The following CRISP2 variants were observed in gnomAD, a reference collection of about 807,000 sequenced individuals.
CRISP2 encodes the protein cysteine-rich secretory protein 2.
A neutral mutation model predicts 31.7 loss-of-function variants in CRISP2; 29 were observed. That is an observed-to-expected ratio of 0.92 (90% confidence interval 0.68 to 1.25). CRISP2 has a LOEUF of 1.25. Ranked by LOEUF, CRISP2 falls within the 50% of genes most tolerant of loss-of-function variation. The pLI, the probability that CRISP2 is intolerant of heterozygous loss-of-function variation, is 0.00. For missense variants in CRISP2, 318 were observed against 286.5 expected (o/e 1.11, Z -0.79); for synonymous variants, 111 against 101.4 (o/e 1.09, Z -0.57).
At chr6:49,678,573 C>A in the CRISP2 span, among the ~76,000 whole-genome samples, 2 of 152,184 alleles carry the variant, frequency 1.3e-5, no homozygotes, top group African/African-American at 4.8e-5. Flanking sequence ...CTTTCTGTTT[C>A]TCCGGTGGGA....
intron 3 of CRISP2, among the ~76,000 whole-genome samples, chr6:49,710,725 C>A (rs1767865970): frequency 6.6e-6 from 1 of 152,052 alleles, no homozygotes; most frequent in South Asian, 2.1e-4. Flanking sequence ...TTTTACATAT[C>A]AAATTTTTTT....
At position 49,698,375 on chromosome 6, in the gene CRISP2, C is replaced by T. The variant is rs141421430; in HGVS notation, c.404G>A (p.Gly135Glu). 6 of 1,613,102 alleles carry T rather than the reference C, an allele frequency of 3.7e-6. No individual in the cohort carries two copies. Among genetic ancestry groups the T allele is most frequent in the South Asian group, 1.1e-5 (1 of 90,900 alleles). ...VGPKSPNAVV[G>E]HYTQLVWYST... Reference sequence around the variant, plus strand: ...CATTCTTCTTACCTGAGTATAATGTCCAACAACTGCATTGGGACTCTTTGG... The same window carrying T: ...CATTCTTCTTACCTGAGTATAATGTTCAACAACTGCATTGGGACTCTTTGG... Residue 135 changes from glycine (G) to glutamate (E), a missense_variant, in exon 7 of 10, where the codon GGA (glycine) becomes GAA (glutamate). Transcript: ENST00000339139.
chr6:49,686,844 A>T, the CRISP2 span, among the ~76,000 whole-genome samples: 1 of 152,352 alleles, frequency 6.6e-6, no homozygotes, highest in East Asian at 1.9e-4. Context: ...AAAATGTGGC[A>T]CATATACACC....
chr6:49,710,435 A>G (rs1299235076), intron 3 of CRISP2, among the ~76,000 whole-genome samples: 8 of 152,218 alleles, frequency 5.3e-5, no homozygotes, highest in Non-Finnish European at 1.2e-4. Context: ...ATGACTTTGA[A>G]AGAGACATTG....
At chr6:49,701,853 A>T (rs1429886137) in intron 4 of CRISP2, among the ~76,000 whole-genome samples, 10 of 64,946 alleles carry the variant, frequency 1.5e-4, no homozygotes, top group South Asian at 3.4e-4. Flanking sequence ...TATATTATAT[A>T]ATATATATTA....
intron 4 of CRISP2, among the ~76,000 whole-genome samples, chr6:49,702,232 A>C (rs916638620): frequency 1.4e-5 from 2 of 141,476 alleles, no homozygotes. Context: ...GGCTGGTTCT[A>C]TATTTTTGCA....
chr6:49,707,342 A>G lies in CRISP2; in HGVS notation c.66+1789T>C, dbSNP rs635586. On this transcript the variant is annotated intron_variant, in intron 4 of 9. Transcript: ENST00000339139. ...TTTCTTTGAAGTCAGAGAAAGCTTC[A>G]TAAAATGTGATTCTGGGGTTCTGAA... is the stretch of plus-strand genomic sequence containing the variant. Among the ~76,000 whole-genome samples the G allele has an allele frequency of 9.7e-4, 148 of 152,320 alleles. 1 individual carries two copies. The highest frequency in any genetic ancestry group is 3.4e-3 in the African/African-American group (141 of 41,578).
Position 49,692,813 on chromosome 6 carries a change from T to G in CRISP2, c.692A>C (p.Lys231Thr). The G allele has an allele frequency of 6.2e-7, 1 of 1,613,830 alleles. No homozygotes were observed. Among genetic ancestry groups the G allele is most frequent in the Non-Finnish European group, 8.5e-7 (1 of 1,179,754 alleles). The stretch of plus-strand genomic sequence containing the variant: ...CTCACATAGGCAAGTAGCCTTGCAC[T>G]TTTCCTTGAGTAACTCATGTTCACA... ...AGCEHELLKEKCKATCLCENK... is the reference protein window; with the variant it reads ...AGCEHELLKETCKATCLCENK... The change falls in exon 10 of 10, where the codon AAG becomes ACG. Residue 231 changes from lysine to threonine, a missense_variant. Transcript: ENST00000339139.
chr6:49,704,681 A>T (rs1446419680), intron 4 of CRISP2, among the ~76,000 whole-genome samples: 1 of 152,194 alleles, frequency 6.6e-6, no homozygotes, highest in Non-Finnish European at 1.5e-5. Flanking sequence ...GCCTGCAAAG[A>T]GTCCTGTGAT....
rs1561876051 is a variant in CRISP2 at position 49,701,618 on chromosome 6, A to ACATTATATATG, written c.67-835_67-834insCATATATAATG. ...ATATACACACACACACGGTATATAT[A>ACATTATATATG]TATACATTATATATGTATACATTAT... On this transcript the variant is annotated intron_variant, in intron 4 of 9. Transcript: ENST00000339139. 7.7e-3 allele frequency among the ~76,000 whole-genome samples: 373 copies of ACATTATATATG among 48,638 alleles called. 82 individuals carry two copies. Among genetic ancestry groups the ACATTATATATG allele is most frequent in the African/African-American group, 0.024 (248 of 10,324 alleles). 31.9% of individuals were successfully genotyped at this position (48,638 alleles called of 152,430 possible). A position where few individuals can be genotyped will look rare whatever the true frequency, so the allele number is the denominator to read the frequency against.
intron 4 of CRISP2, among the ~76,000 whole-genome samples, chr6:49,706,394 C>G (rs1767032652): frequency 6.6e-6 from 1 of 152,096 alleles, no homozygotes; most frequent in Non-Finnish European, 1.5e-5. Flanking sequence ...AAATTTAAAG[C>G]AATTTGGAGG....
chr6:49,686,079 T>C, the CRISP2 span, among the ~76,000 whole-genome samples: 3 of 152,226 alleles, frequency 2.0e-5, no homozygotes, highest in Non-Finnish European at 2.9e-5. Flanking sequence ...TGAAGCCATA[T>C]ATTTTTTGTA....
chr6:49,693,287 C>T (rs942133433), intron 9 of CRISP2, among the ~76,000 whole-genome samples: 3 of 152,138 alleles, frequency 2.0e-5, no homozygotes, highest in African/African-American at 7.2e-5. Flanking sequence ...ATTAGCCACA[C>T]AGAGGTATTT....
At chr6:49,695,611 A>C (rs1388766524) in intron 9 of CRISP2, among the ~76,000 whole-genome samples, 4 of 152,222 alleles carry the variant, frequency 2.6e-5, no homozygotes, top group African/African-American at 9.6e-5. Context: ...TTGATGATAA[A>C]TATTCCATTA....
chr6:49,697,749 T>A (rs528314394), intron 8 of CRISP2, 111 bp downstream of exon 8: 1 of 1,581,956 alleles, frequency 6.3e-7, no homozygotes, highest in Non-Finnish European at 8.6e-7. Context: ...CAAACGTTTA[T>A]CCCCTCCCTT....
intron 4 of CRISP2, among the ~76,000 whole-genome samples, chr6:49,702,837 C>T (rs1766331823): frequency 1.3e-5 from 2 of 151,920 alleles, no homozygotes; most frequent in African/African-American, 4.8e-5. Context: ...CTTTTTGTTG[C>T]ATTTGCTTTT....
At chr6:49,694,338 T>C (rs568410577) in intron 9 of CRISP2, among the ~76,000 whole-genome samples, 130 of 152,220 alleles carry the variant, frequency 8.5e-4, no homozygotes, top group Middle Eastern at 6.8e-3. Context: ...TCATTTGGGG[T>C]CTGAGGCCAT....
chr6:49,702,907 A>G (rs1261339681), intron 4 of CRISP2, among the ~76,000 whole-genome samples: 1 of 152,022 alleles, frequency 6.6e-6, no homozygotes, highest in Non-Finnish European at 1.5e-5. Flanking sequence ...GCCAATGTCT[A>G]AAAGAGTTTT....
At chr6:49,690,571 G>T (rs1055625045), downstream of CRISP2, among the ~76,000 whole-genome samples, 3 of 152,038 alleles carry the variant, frequency 2.0e-5, no homozygotes, top group Non-Finnish European at 4.4e-5. Context: ...ACCAAATGAA[G>T]GAGGAACTTG....
Sources: gnomAD v4.1 joint callset for allele counts (sites outside exome capture counted in the v4.1 genomes callset) on GRCh38, gnomAD v4.1.1 for gene constraint, MANE v1.5 for transcripts, NCBI Gene and HGNC (gene_info 2026-07-23, HGNC 2026-07-21) for gene names.